The following GAREM1 variants were observed in gnomAD, a reference collection of about 807,000 sequenced individuals.
GAREM1 encodes the protein GRB2 associated regulator of MAPK1 subtype 1.
A neutral mutation model predicts 71.3 loss-of-function variants in GAREM1; 26 were observed. That is an observed-to-expected ratio of 0.36 (90% confidence interval 0.27 to 0.51). The LOEUF is 0.51. GAREM1 is among the 20% of genes least tolerant of loss of function. The pLI is 0.95. For missense variants in GAREM1, 1,026 were observed against 1,103.1 expected (o/e 0.93, Z 0.99); for synonymous variants, 440 against 433.2 (o/e 1.02, Z -0.20).
Position 32,355,810 on chromosome 18 carries a change from G to A in GAREM1, c.262+37085C>T, listed in dbSNP as rs371618534. Among the ~76,000 whole-genome samples the A allele has an allele frequency of 2.6e-4, 40 of 152,154 alleles. 1 individual carries two copies. The South Asian group carries it at 7.9e-3, about 30-fold the overall frequency. On this transcript the variant is annotated intron_variant, in intron 2 of 5. Coordinates refer to ENST00000269209, the MANE Select transcript of GAREM1 (RefSeq NM_001242409.2). The stretch of plus-strand genomic sequence containing the variant: ...CAAAAGGTTATAAGCCCACCAAACC[G>A]AACTATTTAGGTCAATACAATCATT...
chr18:32,428,270 C>T (rs1173572954), intron 1 of GAREM1, among the ~76,000 whole-genome samples: 1 of 152,166 alleles, frequency 6.6e-6, no homozygotes, highest in African/African-American at 2.4e-5. Flanking sequence ...TTGTAAGAGA[C>T]AACTTTTGGG....
At chr18:32,311,711 C>T (rs941408309) in intron 2 of GAREM1, among the ~76,000 whole-genome samples, 7 of 152,172 alleles carry the variant, frequency 4.6e-5, no homozygotes, top group African/African-American at 1.7e-4. Context: ...TGGCATGCTG[C>T]CACTATGGCT....
At chr18:32,370,292 GT>G (rs1481042150) in intron 2 of GAREM1, among the ~76,000 whole-genome samples, 3 of 151,986 alleles carry the variant, frequency 2.0e-5, no homozygotes, top group Non-Finnish European at 2.9e-5. Context: ...GCTGGACGTG[GT>G]GGCGCACACC....
chr18:32,282,109 C>A (rs978961498), intron 4 of GAREM1, among the ~76,000 whole-genome samples: 4 of 152,094 alleles, frequency 2.6e-5, no homozygotes, highest in African/African-American at 9.7e-5. Flanking sequence ...TATCTCCCTT[C>A]GCTGACTCTC....
At chr18:32,406,303 T>C (rs2048365731) in intron 1 of GAREM1, among the ~76,000 whole-genome samples, 1 of 152,194 alleles carries the variant, frequency 6.6e-6, no homozygotes, top group African/African-American at 2.4e-5. Context: ...GTGCTTGGAT[T>C]ACAGCGTGAG....
intron 3 of GAREM1, among the ~76,000 whole-genome samples, chr18:32,291,817 G>A (rs1005900278): frequency 2.0e-5 from 3 of 152,114 alleles, no homozygotes; most frequent in Non-Finnish European, 2.9e-5. Flanking sequence ...CAAAGGACAC[G>A]AACTCATCCT....
chr18:32,335,385 G>C (rs2047580333), intron 2 of GAREM1, among the ~76,000 whole-genome samples: 1 of 152,218 alleles, frequency 6.6e-6, no homozygotes, highest in African/African-American at 2.4e-5. Context: ...AGCTGCAAGT[G>C]AAGAGGGAAT....
At chr18:32,386,309 A>G (rs921654407) in intron 2 of GAREM1, among the ~76,000 whole-genome samples, 2 of 152,218 alleles carry the variant, frequency 1.3e-5, no homozygotes, top group African/African-American at 2.4e-5. Context: ...TAGATGCCAC[A>G]TTACTATAAT....
chr18:32,319,058 T>C (rs1472436821), intron 2 of GAREM1, among the ~76,000 whole-genome samples: 17 of 152,198 alleles, frequency 1.1e-4, no homozygotes, highest in Admixed American at 1.1e-3. Context: ...ATACCACACA[T>C]GGCATAAAGC....
At chr18:32,369,803 GC>G (rs2047959441) in intron 2 of GAREM1, among the ~76,000 whole-genome samples, 1 of 152,132 alleles carries the variant, frequency 6.6e-6, no homozygotes, top group African/African-American at 2.4e-5. Context: ...TCATCATTCT[GC>G]CATTTTCCCT....
chr18:32,317,207 C>T (rs1232253796), intron 2 of GAREM1, among the ~76,000 whole-genome samples: 1 of 152,064 alleles, frequency 6.6e-6, no homozygotes, highest in Admixed American at 6.6e-5. Context: ...GAGTTTAAGA[C>T]CAACCTGGCC....
At chr18:32,362,843 G>A (rs2047879225) in intron 2 of GAREM1, among the ~76,000 whole-genome samples, 1 of 152,182 alleles carries the variant, frequency 6.6e-6, no homozygotes, top group Non-Finnish European at 1.5e-5. Context: ...CTAATTATGT[G>A]CTTACTCATT....
intron 1 of GAREM1, among the ~76,000 whole-genome samples, chr18:32,430,096 G>A (rs1231905647): frequency 2.6e-5 from 4 of 152,126 alleles, no homozygotes; most frequent in Non-Finnish European, 5.9e-5. Flanking sequence ...CAAAGCGAGG[G>A]GTGGTAAGTG....
At chr18:32,347,326 G>A (rs955610009) in intron 2 of GAREM1, among the ~76,000 whole-genome samples, 3 of 151,896 alleles carry the variant, frequency 2.0e-5, no homozygotes, top group African/African-American at 7.3e-5. Flanking sequence ...AAGTGAGACC[G>A]TGTCTCAAAA....
intron 2 of GAREM1, among the ~76,000 whole-genome samples, chr18:32,326,121 G>T (rs2047472842): frequency 2.6e-5 from 4 of 152,164 alleles, no homozygotes; most frequent in Admixed American, 2.6e-4. Context: ...TACATAAAAA[G>T]ATGGCACAAT....
At chr18:32,312,975 A>C (rs2047338693) in intron 2 of GAREM1, among the ~76,000 whole-genome samples, 1 of 152,216 alleles carries the variant, frequency 6.6e-6, no homozygotes, top group Admixed American at 6.5e-5. Context: ...GGTTAAGGAA[A>C]GAGAAGGTTG....
chr18:32,439,772 T>C (rs1209687228), intron 1 of GAREM1, among the ~76,000 whole-genome samples: 1 of 152,086 alleles, frequency 6.6e-6, no homozygotes. Flanking sequence ...GCATCCATCA[T>C]TCCCAATCAC....
Position 32,424,706 on chromosome 18 carries a change from A to G in GAREM1, c.122-31671T>C, listed in dbSNP as rs149513343. ...ACATGTATTAAATAAAAATTTAAAA[A>G]TAAAGCTTTAAGCATGGCTTTATAT... On this transcript the variant is annotated intron_variant, in intron 1 of 5. Coordinates refer to ENST00000269209, the MANE Select transcript of GAREM1 (RefSeq NM_001242409.2). Among the ~76,000 whole-genome samples the G allele has an allele frequency of 6.3e-3, 955 of 152,370 alleles. 7 individuals are homozygous for G. The highest frequency in any genetic ancestry group is 0.012 in the Non-Finnish European group (787 of 68,026).
chr18:32,469,107 C>T (rs186614376), intron 1 of GAREM1, among the ~76,000 whole-genome samples: 22 of 152,194 alleles, frequency 1.4e-4, no homozygotes, highest in Non-Finnish European at 1.9e-4. Flanking sequence ...GATTGTTTTC[C>T]AGCCTTCACG....
Sources: allele counts gnomAD v4.1 joint callset (sites outside exome capture counted in the v4.1 genomes callset), GRCh38; gene constraint gnomAD v4.1.1; transcripts MANE v1.5; gene names NCBI Gene and HGNC (gene_info 2026-07-23, HGNC 2026-07-21).